The following SMURF1 variants were observed in gnomAD, a reference collection of about 807,000 sequenced individuals.
SMURF1 encodes the protein SMAD specific E3 ubiquitin protein ligase 1.
A neutral mutation model predicts 98.0 loss-of-function variants in SMURF1; 44 were observed. The ratio of observed to expected loss-of-function variants is 0.45; its 90% CI spans 0.35 to 0.58. The LOEUF is 0.58. SMURF1 is among the 20% of genes least tolerant of loss of function. The probability of loss-of-function intolerance (pLI) is 0.00; values close to 1 mark genes in which losing one functional copy is unlikely to be tolerated. For synonymous variants in SMURF1, 396 were observed against 374.9 expected, an observed-to-expected ratio of 1.06 and a Z score of -0.65; for missense variants, 687 against 938.4, an observed-to-expected ratio of 0.73 and a Z score of 3.50.
intron 1 of SMURF1, among the ~76,000 whole-genome samples, chr7:99,129,538 G>C (rs989250624): frequency 6.6e-6 from 1 of 152,138 alleles, no homozygotes; most frequent in Non-Finnish European, 1.5e-5. Flanking sequence ...CTACAGGTGT[G>C]CACCACTATG....
chr7:99,035,493 G>A (rs367762308), intron 16 of SMURF1, 22 bp downstream of exon 16: 24 of 1,613,326 alleles, frequency 1.5e-5, no homozygotes, highest in Non-Finnish European at 1.9e-5. Flanking sequence ...TCATCGAATA[G>A]CCCTGCCTCC....
At chr7:99,118,669 T>C (rs1332951146) in intron 1 of SMURF1, among the ~76,000 whole-genome samples, 5 of 152,112 alleles carry the variant, frequency 3.3e-5, no homozygotes, top group African/African-American at 9.7e-5. Context: ...AAATGAGTAT[T>C]GGGTTTCTTT....
At chr7:99,092,323 A>G (rs1014476155) in intron 1 of SMURF1, among the ~76,000 whole-genome samples, 1 of 152,162 alleles carries the variant, frequency 6.6e-6, no homozygotes, top group African/African-American at 2.4e-5. Context: ...CTCCAATTCT[A>G]GTCTTTCGAG....
At chr7:99,046,609 G>GT (rs1795586877) in intron 10 of SMURF1, among the ~76,000 whole-genome samples, 1 of 151,442 alleles carries the variant, frequency 6.6e-6, no homozygotes, top group South Asian at 2.1e-4. Flanking sequence ...GCGGGCGCCT[G>GT]TAATCCCAGC....
Position 99,086,914 on chromosome 7 carries a change from C to T in SMURF1, c.56-25077G>A, listed in dbSNP as rs911566700. Among the ~76,000 whole-genome samples the T allele has an allele frequency of 2.1e-4, 32 of 152,106 alleles. 1 individual carries two copies. Among genetic ancestry groups the T allele is most frequent in the Non-Finnish European group, 1.3e-4 (9 of 68,022 alleles). On this transcript the variant is annotated intron_variant, in intron 1 of 17. Transcript: ENST00000361368. ...GTGGTTGCCAGGGACTCAGAATAAG[C>T]GGAATAGGGAGTGACTGCTGAAATA...
intron 1 of SMURF1, among the ~76,000 whole-genome samples, chr7:99,100,822 T>C (rs1279008217): frequency 6.6e-6 from 1 of 152,224 alleles, no homozygotes; most frequent in Non-Finnish European, 1.5e-5. Context: ...AGATGAAATT[T>C]AGACATATAC....
intron 9 of SMURF1, chr7:99,048,391 A>T (rs1288603587): frequency 6.3e-6 from 1 of 158,852 alleles, no homozygotes; most frequent in African/African-American, 2.4e-5. Flanking sequence ...TCTCTCTCTC[A>T]AAAAAAAGGA....
Position 99,045,809 on chromosome 7 carries a change from G to A in SMURF1, c.1153-8C>T. 6.3e-7 allele frequency: 1 copy of A among 1,592,264 alleles called. No individual in the cohort carries two copies. Among genetic ancestry groups the A allele is most frequent in the African/African-American group, 1.3e-5 (1 of 74,558 alleles). On this transcript the variant is annotated splice_region_variant and splice_polypyrimidine_tract_variant and intron_variant, in intron 10 of 17. Coordinates refer to ENST00000361368, the MANE Select transcript of SMURF1 (RefSeq NM_181349.3). ...TATCTGGCGGTAAGACTCCTGAAGAGCAACATCACAGTTTCAGAGAGAAGA... is the reference window on the plus strand; with the variant it reads ...TATCTGGCGGTAAGACTCCTGAAGAACAACATCACAGTTTCAGAGAGAAGA...
Position 99,035,815 on chromosome 7 carries a change from C to T in SMURF1, c.1810-99G>A, listed in dbSNP as rs1795113733. ...GACACACAACAGTGAAAAGTCGATT[C>T]CCAAGCAAAGCAGCAGCTGTGTACT... On this transcript the variant is annotated intron_variant, in intron 15 of 17. Coordinates refer to ENST00000361368, the MANE Select transcript of SMURF1 (RefSeq NM_181349.3). 1.0e-5 allele frequency: 12 copies of T among 1,188,646 alleles called. No individual in the cohort carries two copies. The South Asian group carries it at 1.6e-4, about 15-fold the overall frequency. The allele number at this position is 1,188,646 out of a possible 1,614,324, so 73.6% of individuals were successfully genotyped here.
At chr7:99,061,101 A>C (rs1424891736) in intron 2 of SMURF1, among the ~76,000 whole-genome samples, 1 of 152,208 alleles carries the variant, frequency 6.6e-6, no homozygotes, top group Non-Finnish European at 1.5e-5. Flanking sequence ...CTAGAGAATG[A>C]ATCAGAGAGG....
chr7:99,067,492 C>T (rs2150551757), intron 1 of SMURF1, among the ~76,000 whole-genome samples: 1 of 152,242 alleles, frequency 6.6e-6, no homozygotes, highest in South Asian at 2.1e-4. Context: ...GCCATAATTT[C>T]CTAATCACAT....
chr7:99,051,131 T>C (rs1795743869), intron 8 of SMURF1: 1 of 856,584 alleles, frequency 1.2e-6, no homozygotes, highest in Non-Finnish European at 1.8e-6. Flanking sequence ...ACTTCAACAA[T>C]GATCATGGTC....
chr7:99,084,797 G>C (rs1407376726), intron 1 of SMURF1, among the ~76,000 whole-genome samples: 2 of 152,158 alleles, frequency 1.3e-5, no homozygotes, highest in African/African-American at 4.8e-5. Context: ...TATGGTTTGG[G>C]TATGGGTCCC....
intron 11 of SMURF1, among the ~76,000 whole-genome samples, chr7:99,044,109 C>A (rs1795489592): frequency 6.6e-6 from 1 of 152,132 alleles, no homozygotes. Flanking sequence ...GTCAGTAGTT[C>A]AACACCCACC....
At chr7:99,110,407 G>A (rs1797291880) in intron 1 of SMURF1, among the ~76,000 whole-genome samples, 1 of 152,116 alleles carries the variant, frequency 6.6e-6, no homozygotes, top group South Asian at 2.1e-4. Flanking sequence ...AATATTTATG[G>A]AATTTTTCTT....
At chr7:99,068,151 C>T (rs1796241874) in intron 1 of SMURF1, among the ~76,000 whole-genome samples, 1 of 152,220 alleles carries the variant, frequency 6.6e-6, no homozygotes, top group South Asian at 2.1e-4. Flanking sequence ...AGTCCTATCA[C>T]TATCTTCTTC....
chr7:99,046,456 C>T lies in SMURF1; in HGVS notation c.1153-655G>A, dbSNP rs549194592. 3.9e-5 allele frequency among the ~76,000 whole-genome samples: 6 copies of T among 152,232 alleles called. No individual in the cohort carries two copies. The South Asian group carries it at 1.0e-3, about 26-fold the overall frequency. On this transcript the variant is annotated intron_variant, in intron 10 of 17. Coordinates refer to ENST00000361368, the MANE Select transcript of SMURF1 (RefSeq NM_181349.3). ...CAAACTCCAGCAACCCAGCCGGGCG[C>T]GGTGGCTCCGCCTGTAATCCCAGTA...
At chr7:99,044,826 G>A (rs1795520311) in intron 11 of SMURF1, among the ~76,000 whole-genome samples, 1 of 152,198 alleles carries the variant, frequency 6.6e-6, no homozygotes, top group South Asian at 2.1e-4. Flanking sequence ...AAAGAAAAGA[G>A]CTAAAAGAGT....
rs116154400 is a variant in SMURF1, at chr7:99,048,114, G to A, written c.954-232C>T. 1,080 of 488,914 alleles carry A rather than the reference G, an allele frequency of 2.2e-3. 6 individuals are homozygous for A. The highest frequency in any genetic ancestry group is 0.019 in the African/African-American group (993 of 51,194). The allele number at this position is 488,914 out of a possible 1,614,324, so 30.3% of individuals were successfully genotyped here. ...ATAAAGGAGGTACCCCAGGCCGGGC[G>A]TGGTGGCTCAAGCCTGTAATCCCAG... On this transcript the variant is annotated intron_variant, in intron 9 of 17. Coordinates refer to ENST00000361368, the MANE Select transcript of SMURF1 (RefSeq NM_181349.3).
Sources: gnomAD v4.1 joint callset for allele counts (sites outside exome capture counted in the v4.1 genomes callset) on GRCh38, gnomAD v4.1.1 for gene constraint, MANE v1.5 for transcripts, NCBI Gene and HGNC (gene_info 2026-07-23, HGNC 2026-07-21) for gene names.